The following PARD3 variants were observed in gnomAD, a reference collection of about 807,000 sequenced individuals.
PARD3 encodes the protein partitioning defective 3 homolog.
In PARD3, 75 loss-of-function variants were observed where a neutral mutation model predicts 155.4. That is an observed-to-expected ratio of 0.48 (90% CI 0.40 to 0.58). The LOEUF is 0.58. Among genes scored for constraint, PARD3 ranks in the 20% least tolerant of loss-of-function variants. The pLI, the probability that PARD3 is intolerant of heterozygous loss-of-function variation, is 0.00. For synonymous variants in PARD3, 576 were observed against 610.5 expected, an observed-to-expected ratio of 0.94 and a Z score of 0.83; for missense variants, 1,642 against 1,721.7, an observed-to-expected ratio of 0.95 and a Z score of 0.82.
intron 1 of PARD3, among the ~76,000 whole-genome samples, chr10:34,807,943 A>G (rs1346137546): frequency 6.6e-6 from 1 of 152,228 alleles, no homozygotes; most frequent in Admixed American, 6.6e-5. Flanking sequence ...CCTATACACG[A>G]AAGTTATTTT....
intron 2 of PARD3, among the ~76,000 whole-genome samples, chr10:34,574,286 C>A (rs545155805): frequency 1.3e-5 from 2 of 152,208 alleles, no homozygotes; most frequent in South Asian, 4.2e-4. Flanking sequence ...CTTAATTGTG[C>A]CAATCCTTCC....
intron 5 of PARD3, among the ~76,000 whole-genome samples, chr10:34,438,146 G>A (rs1400983116): frequency 6.6e-6 from 1 of 152,130 alleles, no homozygotes; most frequent in Non-Finnish European, 1.5e-5. Flanking sequence ...GACTGAGCGG[G>A]CTTATCTTCT....
At chr10:34,704,487 G>C (rs2094333404) in intron 1 of PARD3, among the ~76,000 whole-genome samples, 1 of 152,172 alleles carries the variant, frequency 6.6e-6, no homozygotes, top group South Asian at 2.1e-4. Flanking sequence ...AGAGATCCTA[G>C]AAATGGCTAC....
At chr10:34,439,560 T>G (rs186389126) in intron 5 of PARD3, among the ~76,000 whole-genome samples, 1 of 152,184 alleles carries the variant, frequency 6.6e-6, no homozygotes, top group African/African-American at 2.4e-5. Flanking sequence ...CACGTTCAAA[T>G]GATTATCCTG....
intron 2 of PARD3, among the ~76,000 whole-genome samples, chr10:34,672,719 CTG>C (rs1164017296): frequency 6.6e-6 from 1 of 152,214 alleles, no homozygotes; most frequent in Non-Finnish European, 1.5e-5. Flanking sequence ...TGTAGAAGAA[CTG>C]TTGCCTTTCA....
Position 34,776,835 on chromosome 10 carries a change from T to G in PARD3, c.120+38041A>C, listed in dbSNP as rs893355146. 2.9e-3 allele frequency among the ~76,000 whole-genome samples: 188 copies of G among 64,552 alleles called. 8 individuals carry two copies. The highest frequency in any genetic ancestry group is 0.011 in the African/African-American group (170 of 15,820). The allele number at this position is 64,552 out of a possible 152,430, so 42.3% of individuals were successfully genotyped here. A position where few individuals can be genotyped will look rare whatever the true frequency, so the allele number is the denominator to read the frequency against. ...AAGTATTTTCAGTCGTGTTTTTTTG[T>G]GGGGGGGGGGGGCGGGTGGGGGATG... On this transcript the variant is annotated intron_variant, in intron 1 of 24. Coordinates refer to ENST00000374788, the MANE Select transcript of PARD3 (RefSeq NM_001184785.2).
At chr10:34,708,842 T>C (rs2133606144) in intron 1 of PARD3, among the ~76,000 whole-genome samples, 1 of 152,222 alleles carries the variant, frequency 6.6e-6, no homozygotes, top group African/African-American at 2.4e-5. Context: ...TTGGGAACAA[T>C]GAGGGAAATT....
intron 22 of PARD3, among the ~76,000 whole-genome samples, chr10:34,142,950 G>C (rs1019761409): frequency 6.6e-6 from 1 of 152,154 alleles, no homozygotes; most frequent in Admixed American, 6.5e-5. Context: ...TCTGATTAAA[G>C]AGCAAATGAA....
intron 19 of PARD3, among the ~76,000 whole-genome samples, chr10:34,328,181 G>A (rs1356505291): frequency 6.6e-6 from 1 of 152,172 alleles, no homozygotes; most frequent in African/African-American, 2.4e-5. Context: ...CAAAGAGTTT[G>A]CTGAAGTATT....
At chr10:34,242,381 A>G (rs1482385388) in intron 22 of PARD3, among the ~76,000 whole-genome samples, 5 of 152,082 alleles carry the variant, frequency 3.3e-5, no homozygotes, top group African/African-American at 9.7e-5. Context: ...GTCCAAATCC[A>G]TATCACATGT....
At chr10:34,501,302 T>C (rs905966182) in intron 3 of PARD3, among the ~76,000 whole-genome samples, 4 of 152,050 alleles carry the variant, frequency 2.6e-5, no homozygotes, top group Non-Finnish European at 5.9e-5. Context: ...CATTTAAAAG[T>C]GTGTGTGTGG....
chr10:34,220,202 G>GA (rs1482894739), intron 22 of PARD3, among the ~76,000 whole-genome samples: 3 of 151,984 alleles, frequency 2.0e-5, no homozygotes, highest in Non-Finnish European at 2.9e-5. Flanking sequence ...TAAATCAAAT[G>GA]AAAAAATCTT....
chr10:34,496,864 A>T (rs1482374256), intron 3 of PARD3, among the ~76,000 whole-genome samples: 1 of 152,210 alleles, frequency 6.6e-6, no homozygotes, highest in African/African-American at 2.4e-5. Context: ...TATTTTTGTT[A>T]TTAAACAGTA....
intron 22 of PARD3, among the ~76,000 whole-genome samples, chr10:34,166,663 A>C (rs1949543351): frequency 6.6e-6 from 1 of 151,740 alleles, no homozygotes; most frequent in African/African-American, 2.4e-5. Flanking sequence ...CTCTACACCC[A>C]TGTACCCTGG....
intron 22 of PARD3, among the ~76,000 whole-genome samples, chr10:34,169,706 T>A (rs1453206497): frequency 6.6e-6 from 1 of 152,180 alleles, no homozygotes; most frequent in South Asian, 2.1e-4. Flanking sequence ...TGGGATACAG[T>A]TTCAACAACC....
intron 2 of PARD3, among the ~76,000 whole-genome samples, chr10:34,651,036 A>C (rs2092999022): frequency 7.1e-6 from 1 of 141,464 alleles, no homozygotes. Flanking sequence ...AAAAAAAAAA[A>C]AAAAAAAAAA....
chr10:34,571,204 C>T (rs2086369675), intron 2 of PARD3, among the ~76,000 whole-genome samples: 1 of 152,134 alleles, frequency 6.6e-6, no homozygotes, highest in Non-Finnish European at 1.5e-5. Flanking sequence ...GTCTTAGCTA[C>T]TCAGGAGGCT....
At chr10:34,495,366 A>C (rs1184068383) in intron 3 of PARD3, among the ~76,000 whole-genome samples, 1 of 152,138 alleles carries the variant, frequency 6.6e-6, no homozygotes, top group Non-Finnish European at 1.5e-5. Context: ...TCAGAGTCCA[A>C]ATAAAGGAAA....
Position 34,119,756 on chromosome 10 carries a change from A to G in PARD3, c.3541-16T>C, listed in dbSNP as rs1946883630. Reference sequence around the variant, plus strand: ...GTGCGTTCGGCTGGAAGAGGAAAATACAAGCACATCGTTAACCAGAAAGTT... The same window carrying G: ...GTGCGTTCGGCTGGAAGAGGAAAATGCAAGCACATCGTTAACCAGAAAGTT... On this transcript the variant is annotated splice_polypyrimidine_tract_variant and intron_variant, in intron 23 of 24. Transcript: ENST00000374788. The G allele has an allele frequency of 6.2e-7, 1 of 1,606,558 alleles. No homozygotes were observed. Among genetic ancestry groups the G allele is most frequent in the South Asian group, 1.1e-5 (1 of 90,642 alleles).
Sources: gnomAD v4.1 joint callset for allele counts (sites outside exome capture counted in the v4.1 genomes callset) on GRCh38, gnomAD v4.1.1 for gene constraint, MANE v1.5 for transcripts, NCBI Gene and HGNC (gene_info 2026-07-23, HGNC 2026-07-21) for gene names.